RBKS: variants seen among roughly 807,000 people sequenced by gnomAD.
RBKS encodes the protein ribokinase.
A neutral mutation model predicts 33.9 loss-of-function variants in RBKS; 33 were observed. The observed-to-expected ratio is 0.97, with a 90% CI of 0.74 to 1.30. The LOEUF (loss-of-function observed/expected upper bound fraction) is 1.30, where lower values mean the gene tolerates loss of function less well. RBKS is among the 50% of genes most tolerant of loss of function. RBKS has a pLI of 0.00. For missense variants in RBKS, 361 were observed against 392.6 expected (o/e 0.92, Z 0.68); for synonymous variants, 125 against 143.0 (o/e 0.87, Z 0.90).
At chr2:27,876,808 GTTATA>G (rs936217886) in intron 1 of RBKS, among the ~76,000 whole-genome samples, 2 of 152,074 alleles carry the variant, frequency 1.3e-5, no homozygotes, top group African/African-American at 4.8e-5. Context: ...AATGGTAAAT[GTTATA>G]TTATGCATAT....
chr2:27,838,690 G>A (rs1185618498), intron 5 of RBKS, among the ~76,000 whole-genome samples: 1 of 152,218 alleles, frequency 6.6e-6, no homozygotes, highest in Non-Finnish European at 1.5e-5. Context: ...AATCAAAGAA[G>A]AATGCAAATC....
intron 7 of RBKS, among the ~76,000 whole-genome samples, chr2:27,815,819 T>C (rs1225780758): frequency 1.3e-5 from 2 of 152,236 alleles, no homozygotes; most frequent in African/African-American, 2.4e-5. Context: ...AGAGGGACTA[T>C]TTCATGTCTA....
At chr2:27,794,447 T>C (rs2148185330) in intron 7 of RBKS, among the ~76,000 whole-genome samples, 1 of 151,722 alleles carries the variant, frequency 6.6e-6, no homozygotes, top group South Asian at 2.1e-4. Flanking sequence ...ATGATTTCTC[T>C]CTTTCTTTTT....
chr2:27,796,799 G>A (rs1677675573), intron 7 of RBKS, among the ~76,000 whole-genome samples: 1 of 152,188 alleles, frequency 6.6e-6, no homozygotes, highest in Admixed American at 6.5e-5. Context: ...ATGGGTCTGG[G>A]TGGGCAGCCT....
intron 1 of RBKS, among the ~76,000 whole-genome samples, chr2:27,872,886 A>G (rs1461420919): frequency 1.3e-5 from 2 of 152,146 alleles, no homozygotes; most frequent in Non-Finnish European, 2.9e-5. Flanking sequence ...GTGGAAGCAG[A>G]AGCTTGAATG....
chr2:27,859,883 G>T (rs1450747998), intron 1 of RBKS, among the ~76,000 whole-genome samples: 3 of 152,168 alleles, frequency 2.0e-5, no homozygotes, highest in Non-Finnish European at 4.4e-5. Flanking sequence ...AGTCCTAACA[G>T]CCAGTTTGCA....
At chr2:27,796,204 C>T (rs925024208) in intron 7 of RBKS, among the ~76,000 whole-genome samples, 1 of 150,876 alleles carries the variant, frequency 6.6e-6, no homozygotes. Context: ...TTCGGTATAA[C>T]TATTTTTATA....
chr2:27,876,801 G>A (rs547748590), intron 1 of RBKS, among the ~76,000 whole-genome samples: 20 of 151,976 alleles, frequency 1.3e-4, no homozygotes, highest in Non-Finnish European at 2.5e-4. Flanking sequence ...AATTAAAAAT[G>A]GTAAATGTTA....
chr2:27,800,417 C>T (rs11127126), intron 7 of RBKS, among the ~76,000 whole-genome samples: 54,555 of 152,028 alleles, frequency 0.36, 12,178 homozygotes, highest in East Asian at 0.62. Context: ...TCTGGCAAGT[C>T]ACTCAGCTTT....
intron 1 of RBKS, among the ~76,000 whole-genome samples, chr2:27,874,347 ACCCTGT>A (rs1387089889): frequency 6.6e-6 from 1 of 152,190 alleles, no homozygotes; most frequent in Non-Finnish European, 1.5e-5. Context: ...AGATATTCAG[ACCCTGT>A]CCTCACTTAG....
At chr2:27,812,522 T>A (rs1024464768) in intron 7 of RBKS, among the ~76,000 whole-genome samples, 2 of 152,224 alleles carry the variant, frequency 1.3e-5, no homozygotes, top group African/African-American at 4.8e-5. Context: ...TGGAATACTA[T>A]GCAGCCATAA....
chr2:27,845,684 C>T (rs1347377694), intron 4 of RBKS, among the ~76,000 whole-genome samples: 2 of 152,086 alleles, frequency 1.3e-5, no homozygotes, highest in African/African-American at 2.4e-5. Context: ...TGAAATATAT[C>T]GTTATTATTG....
chr2:27,784,591 T>C (rs1558531425), intron 7 of RBKS, among the ~76,000 whole-genome samples: 1 of 152,088 alleles, frequency 6.6e-6, no homozygotes, highest in Non-Finnish European at 1.5e-5. Flanking sequence ...CCTTATAGAA[T>C]GAGCCAGATT....
chr2:27,827,860 C>A, intron 6 of RBKS, 105 bp from the exon 7 acceptor site: 1 of 950,704 alleles, frequency 1.1e-6, no homozygotes, highest in South Asian at 2.0e-5. Flanking sequence ...TTTATAACAA[C>A]CAATGCAATG....
intron 1 of RBKS, among the ~76,000 whole-genome samples, chr2:27,860,972 TC>T (rs1663966192): frequency 7.2e-6 from 1 of 138,928 alleles, no homozygotes; most frequent in African/African-American, 2.7e-5. Context: ...TCTCTCTTTC[TC>T]TCTTTTTTTT....
At chr2:27,888,617 A>T (rs1280453760) in intron 1 of RBKS, among the ~76,000 whole-genome samples, 3 of 152,236 alleles carry the variant, frequency 2.0e-5, no homozygotes, top group Non-Finnish European at 2.9e-5. Flanking sequence ...AAATTTAGTA[A>T]GTACCATATA....
At chr2:27,887,884 G>A (rs191344508) in intron 1 of RBKS, among the ~76,000 whole-genome samples, 1 of 152,262 alleles carries the variant, frequency 6.6e-6, no homozygotes, top group East Asian at 1.9e-4. Flanking sequence ...TCTAAAAACT[G>A]AAGGACTAGA....
At position 27,848,441 on chromosome 2, in the gene RBKS, C is replaced by T. The variant is rs1475384836; in HGVS notation, c.223-344G>A. On this transcript the variant is annotated intron_variant, in intron 2 of 7. Coordinates refer to ENST00000302188, the MANE Select transcript of RBKS (RefSeq NM_022128.3). The stretch of plus-strand genomic sequence containing the variant: ...AAGAATCTCAGCTGTTTGTACTTCA[C>T]TGTAAATATGGGTATCTTTGTCATG... 3.3e-5 allele frequency among the ~76,000 whole-genome samples: 5 copies of T among 152,144 alleles called. 1 individual carries two copies. The highest frequency in any genetic ancestry group is 2.0e-4 in the Admixed American group (3 of 15,280).
chr2:27,867,185 C>T (rs1001839846), intron 1 of RBKS, among the ~76,000 whole-genome samples: 14 of 152,104 alleles, frequency 9.2e-5, no homozygotes, highest in African/African-American at 3.4e-4. Flanking sequence ...TTTCTCCCCA[C>T]TCTTGGTTAT....
Sources: allele counts gnomAD v4.1 joint callset (sites outside exome capture counted in the v4.1 genomes callset), GRCh38; gene constraint gnomAD v4.1.1; transcripts MANE v1.5; gene names NCBI Gene and HGNC (gene_info 2026-07-23, HGNC 2026-07-21).